Variants in IMMP2L observed in about 807,000 individuals in gnomAD.
IMMP2L encodes inner mitochondrial membrane peptidase subunit 2.
A neutral mutation model predicts 19.3 loss-of-function variants in IMMP2L; 18 were observed. The observed-to-expected ratio is 0.93, with a 90% CI of 0.64 to 1.38. IMMP2L has a LOEUF of 1.38. Among genes scored for constraint, IMMP2L ranks in the 40% most tolerant of loss-of-function variants. The pLI, the probability that IMMP2L is intolerant of heterozygous loss-of-function variation, is 0.00. For missense variants in IMMP2L, 233 were observed against 218.2 expected (o/e 1.07, Z -0.43); for synonymous variants, 76 against 73.0 (o/e 1.04, Z -0.21).
At chr7:110,742,487 C>T (rs995049808) in intron 5 of IMMP2L, among the ~76,000 whole-genome samples, 1 of 151,928 alleles carries the variant, frequency 6.6e-6, no homozygotes, top group South Asian at 2.1e-4. Flanking sequence ...TACTTTCAAC[C>T]GCTGGGCATG....
At chr7:111,068,123 A>T (rs1794663129) in intron 3 of IMMP2L, among the ~76,000 whole-genome samples, 1 of 152,208 alleles carries the variant, frequency 6.6e-6, no homozygotes, top group Non-Finnish European at 1.5e-5. Context: ...GAGTATATGT[A>T]TATGTGTATC....
chr7:111,125,723 T>C (rs1203501844), intron 3 of IMMP2L, among the ~76,000 whole-genome samples: 1 of 152,060 alleles, frequency 6.6e-6, no homozygotes, highest in Non-Finnish European at 1.5e-5. Context: ...TTGGAGTAGA[T>C]TAAATTATTA....
chr7:111,090,567 T>G (rs1796752873), intron 3 of IMMP2L, among the ~76,000 whole-genome samples: 1 of 151,498 alleles, frequency 6.6e-6, no homozygotes, highest in South Asian at 2.1e-4. Flanking sequence ...ATATATGCTT[T>G]ATTTTAAAAA....
At chr7:111,304,670 A>ATGTG (rs147788856) in intron 3 of IMMP2L, among the ~76,000 whole-genome samples, 48,576 of 125,688 alleles carry the variant, frequency 0.39, 9,678 homozygotes, top group Non-Finnish European at 0.44. Context: ...CACATATATA[A>ATGTG]TGTGTGTGTG....
chr7:110,992,272 T>C (rs1822563076), intron 3 of IMMP2L, among the ~76,000 whole-genome samples: 1 of 152,050 alleles, frequency 6.6e-6, no homozygotes, highest in South Asian at 2.1e-4. Flanking sequence ...TTTGGCAACA[T>C]GCTTACTAAA....
chr7:111,423,551 A>C lies in IMMP2L; in HGVS notation c.239+63687T>G, dbSNP rs190255745. 3.5e-4 allele frequency among the ~76,000 whole-genome samples: 53 copies of C among 151,840 alleles called. No individual in the cohort carries two copies. In the East Asian group the frequency reaches 8.3e-3, roughly 24 times the overall value. Reference sequence around the variant, plus strand: ...ATGGTAGTTTGTATTTCTGTGGGATAGGTGGTTATACCCCCTTTATCATTT... The same window carrying C: ...ATGGTAGTTTGTATTTCTGTGGGATCGGTGGTTATACCCCCTTTATCATTT... On this transcript the variant is annotated intron_variant, in intron 3 of 5. Coordinates refer to ENST00000405709, the MANE Select transcript of IMMP2L (RefSeq NM_032549.4).
At chr7:111,535,356 G>A (rs1847791645) in intron 1 of IMMP2L, among the ~76,000 whole-genome samples, 1 of 152,082 alleles carries the variant, frequency 6.6e-6, no homozygotes, top group South Asian at 2.1e-4. Flanking sequence ...AAAAGAGGAA[G>A]AGGAAAGAAA....
chr7:110,989,098 C>T (rs985391303), intron 3 of IMMP2L, among the ~76,000 whole-genome samples: 3 of 151,988 alleles, frequency 2.0e-5, no homozygotes, highest in Admixed American at 2.0e-4. Context: ...AGCCGGGTGT[C>T]GTGGCACATG....
intron 3 of IMMP2L, among the ~76,000 whole-genome samples, chr7:111,205,947 C>T (rs1810658870): frequency 6.6e-6 from 1 of 152,176 alleles, no homozygotes; most frequent in Admixed American, 6.5e-5. Context: ...AGCCTTTATG[C>T]ATCATCTACA....
At chr7:110,886,264 T>C (rs1187392280) in intron 5 of IMMP2L, among the ~76,000 whole-genome samples, 1 of 151,820 alleles carries the variant, frequency 6.6e-6, no homozygotes, top group Non-Finnish European at 1.5e-5. Context: ...AAACATCAAC[T>C]GAAAATATAA....
At chr7:111,318,756 C>A (rs111270928) in intron 3 of IMMP2L, among the ~76,000 whole-genome samples, 4 of 152,110 alleles carry the variant, frequency 2.6e-5, no homozygotes, top group African/African-American at 9.6e-5. Context: ...TTAATAGATT[C>A]TTTTAAAAAT....
intron 4 of IMMP2L, among the ~76,000 whole-genome samples, chr7:110,905,754 C>T (rs1426796530): frequency 6.6e-6 from 1 of 152,172 alleles, no homozygotes; most frequent in African/African-American, 2.4e-5. Flanking sequence ...GAAATCCTCT[C>T]ATTCAAAACA....
chr7:110,726,845 T>C (rs1221137011), intron 5 of IMMP2L, among the ~76,000 whole-genome samples: 2 of 152,166 alleles, frequency 1.3e-5, no homozygotes, highest in African/African-American at 2.4e-5. Flanking sequence ...ATGCCCAAAT[T>C]ACTCTGGGGT....
intron 3 of IMMP2L, among the ~76,000 whole-genome samples, chr7:111,316,375 A>G (rs926373031): frequency 6.6e-6 from 1 of 152,210 alleles, no homozygotes; most frequent in African/African-American, 2.4e-5. Flanking sequence ...AAAGGGCCTG[A>G]AAACCAGAAT....
intron 4 of IMMP2L, among the ~76,000 whole-genome samples, chr7:110,944,259 G>A (rs527505965): frequency 3.9e-5 from 6 of 151,924 alleles, no homozygotes; most frequent in Non-Finnish European, 5.9e-5. Flanking sequence ...TGTATGTTAC[G>A]TCTGTCAGAT....
intron 3 of IMMP2L, among the ~76,000 whole-genome samples, chr7:111,356,586 T>G (rs1433002214): frequency 6.6e-6 from 1 of 152,152 alleles, no homozygotes; most frequent in Non-Finnish European, 1.5e-5. Context: ...AATTGTACGC[T>G]TTTTAGTGTA....
At chr7:111,031,407 T>TGTGTGTGTGTGTGTGTGTGTGTAA (rs147571783) in intron 3 of IMMP2L, among the ~76,000 whole-genome samples, 64 of 147,216 alleles carry the variant, frequency 4.3e-4, no homozygotes, top group Admixed American at 2.1e-3. Flanking sequence ...TGTGTGTGTG[T>TGTGTGTGTGTGTGTGTGTGTGTAA]GAGAGAAAGA....
At chr7:111,494,997 T>C (rs917409553) in intron 2 of IMMP2L, among the ~76,000 whole-genome samples, 1 of 152,144 alleles carries the variant, frequency 6.6e-6, no homozygotes, top group Non-Finnish European at 1.5e-5. Context: ...GATGCTTTTA[T>C]GTGGGGCCTT....
chr7:110,998,012 G>T (rs139632227), intron 3 of IMMP2L, among the ~76,000 whole-genome samples: 14 of 152,060 alleles, frequency 9.2e-5, no homozygotes, highest in Non-Finnish European at 1.3e-4. Flanking sequence ...ATCTGCATAC[G>T]GTTTATGTGG....
Sources: allele counts gnomAD v4.1 joint callset (sites outside exome capture counted in the v4.1 genomes callset), GRCh38; gene constraint gnomAD v4.1.1; transcripts MANE v1.5; gene names NCBI Gene and HGNC (gene_info 2026-07-23, HGNC 2026-07-21).